Variants in MYO5B observed in about 807,000 individuals in gnomAD.
The protein encoded by MYO5B is myosin VB.
Under a neutral mutation model 229.3 loss-of-function variants are expected in MYO5B, and 143 were observed. The observed-to-expected ratio is 0.62, with a 90% confidence interval of 0.54 to 0.72. The LOEUF (loss-of-function observed/expected upper bound fraction) is 0.72. Among genes scored for constraint, MYO5B ranks in the 30% least tolerant of loss-of-function variants. MYO5B has a pLI of 0.00. For synonymous variants in MYO5B, 918 were observed against 885.2 expected (o/e 1.04, Z -0.66); for missense variants, 2,321 against 2,331.0 (o/e 1.00, Z 0.09).
chr18:50,098,555 G>A (rs1010107943), intron 1 of MYO5B, among the ~76,000 whole-genome samples: 2 of 152,202 alleles, frequency 1.3e-5, no homozygotes, highest in East Asian at 3.8e-4. Flanking sequence ...AAAGGTAAAT[G>A]TCCAACTGTG....
chr18:49,872,135 G>A (rs779467059), intron 27 of MYO5B, 32 bp downstream of exon 27: 7 of 1,607,904 alleles, frequency 4.4e-6, no homozygotes, highest in South Asian at 3.3e-5. Context: ...CCAGGGGAGT[G>A]TTCCAGGAAG....
At chr18:49,981,999 A>C (rs866645024) in intron 8 of MYO5B, among the ~76,000 whole-genome samples, 2 of 152,164 alleles carry the variant, frequency 1.3e-5, no homozygotes, top group Non-Finnish European at 2.9e-5. Flanking sequence ...AGTCCCATTG[A>C]AAGTGCTAGA....
At chr18:49,930,675 A>T (rs540613855) in intron 16 of MYO5B, among the ~76,000 whole-genome samples, 5 of 152,076 alleles carry the variant, frequency 3.3e-5, no homozygotes, top group Non-Finnish European at 7.4e-5. Context: ...GGTGGATCAC[A>T]AGGTCAGGAG....
intron 1 of MYO5B, among the ~76,000 whole-genome samples, chr18:50,082,567 A>T (rs563371585): frequency 1.3e-5 from 2 of 152,368 alleles, no homozygotes; most frequent in South Asian, 2.1e-4. Context: ...CAATGTCATC[A>T]ACATACTGTG....
At chr18:50,008,942 A>G (rs2026132466) in intron 4 of MYO5B, among the ~76,000 whole-genome samples, 1 of 152,240 alleles carries the variant, frequency 6.6e-6, no homozygotes, top group Non-Finnish European at 1.5e-5. Context: ...GGACTATGCT[A>G]GAGAATACAT....
intron 1 of MYO5B, among the ~76,000 whole-genome samples, chr18:50,127,635 C>T (rs2032187145): frequency 6.6e-6 from 1 of 152,184 alleles, no homozygotes; most frequent in African/African-American, 2.4e-5. Context: ...TCAGGGAAAA[C>T]CTCACGGAAG....
chr18:50,104,445 C>G (rs1375134247), intron 1 of MYO5B, among the ~76,000 whole-genome samples: 2 of 151,792 alleles, frequency 1.3e-5, no homozygotes, highest in African/African-American at 2.4e-5. Context: ...TTAATTTATT[C>G]AATGAGGAAA....
intron 1 of MYO5B, among the ~76,000 whole-genome samples, chr18:50,163,191 CTAA>C (rs1292249227): frequency 6.6e-6 from 1 of 152,194 alleles, no homozygotes; most frequent in Non-Finnish European, 1.5e-5. Context: ...ACCAAGCCTG[CTAA>C]TATTTTTTCC....
intron 1 of MYO5B, among the ~76,000 whole-genome samples, chr18:50,152,641 A>G (rs546931134): frequency 1.3e-5 from 2 of 152,174 alleles, no homozygotes; most frequent in Non-Finnish European, 1.5e-5. Flanking sequence ...CAGGTAATCA[A>G]TTCATACAGC....
intron 1 of MYO5B, among the ~76,000 whole-genome samples, chr18:50,193,633 G>C (rs760963229): frequency 1.3e-5 from 2 of 152,208 alleles, no homozygotes; most frequent in East Asian, 3.9e-4. Context: ...CACGCAACGC[G>C]CGTGGACACC....
At chr18:50,141,451 G>A (rs931668365) in intron 1 of MYO5B, among the ~76,000 whole-genome samples, 2 of 152,190 alleles carry the variant, frequency 1.3e-5, no homozygotes, top group Non-Finnish European at 2.9e-5. Flanking sequence ...AACACTGCCT[G>A]AGCTGTAACA....
intron 34 of MYO5B, among the ~76,000 whole-genome samples, chr18:49,841,914 A>T (rs916330682): frequency 3.3e-5 from 5 of 152,208 alleles, no homozygotes; most frequent in African/African-American, 1.2e-4. Flanking sequence ...TGTCAGATGC[A>T]TCATGGCTTT....
intron 8 of MYO5B, among the ~76,000 whole-genome samples, chr18:49,980,798 T>TG (rs1033510250): frequency 6.7e-6 from 1 of 149,460 alleles, no homozygotes; most frequent in African/African-American, 2.4e-5. Flanking sequence ...CCAAATCAGA[T>TG]GGGTCAAGCT....
At chr18:50,188,794 A>ACAC (rs1221026552) in intron 1 of MYO5B, among the ~76,000 whole-genome samples, 91 of 129,386 alleles carry the variant, frequency 7.0e-4, no homozygotes, top group African/African-American at 2.4e-3. Context: ...ATAAAAAAAA[A>ACAC]AAAAAAAAAA....
At chr18:50,154,698 G>C (rs529196005) in intron 1 of MYO5B, among the ~76,000 whole-genome samples, 1 of 152,300 alleles carries the variant, frequency 6.6e-6, no homozygotes, top group East Asian at 1.9e-4. Flanking sequence ...ACTTCTAATT[G>C]GGACAGGATG....
chr18:49,899,526 C>G (rs536708698), intron 21 of MYO5B, among the ~76,000 whole-genome samples: 1 of 152,256 alleles, frequency 6.6e-6, no homozygotes, highest in Admixed American at 6.5e-5. Flanking sequence ...CAAGAGTCTC[C>G]CAATAGCTAA....
At chr18:50,159,704 C>CT (rs2032735437) in intron 1 of MYO5B, among the ~76,000 whole-genome samples, 1 of 152,198 alleles carries the variant, frequency 6.6e-6, no homozygotes, top group Admixed American at 6.5e-5. Context: ...CTCCAGGCCT[C>CT]TATGATGCCC....
At chr18:50,179,180 T>A (rs918396634) in intron 1 of MYO5B, among the ~76,000 whole-genome samples, 1 of 152,020 alleles carries the variant, frequency 6.6e-6, no homozygotes, top group African/African-American at 2.4e-5. Context: ...TAGGCAGAGA[T>A]TGATGATAGT....
At chr18:50,144,040 C>T (rs143507739) in intron 1 of MYO5B, among the ~76,000 whole-genome samples, 112 of 152,260 alleles carry the variant, frequency 7.4e-4, no homozygotes, top group Middle Eastern at 6.8e-3. Flanking sequence ...ACTGAACACT[C>T]AGGTGTTGTG....
Sources: allele counts gnomAD v4.1 joint callset (sites outside exome capture counted in the v4.1 genomes callset), GRCh38; gene constraint gnomAD v4.1.1; transcripts MANE v1.5; gene names NCBI Gene and HGNC (gene_info 2026-07-23, HGNC 2026-07-21).